The following SYN2 variants were observed in gnomAD, a reference collection of about 807,000 sequenced individuals.
SYN2 encodes the protein synapsin-2.
SYN2 carries 19 observed loss-of-function variants against 50.9 expected under a neutral mutation model. That is an observed-to-expected ratio of 0.37 (90% CI 0.26 to 0.55). The LOEUF is 0.55. SYN2 is among the 20% of genes least tolerant of loss of function. The probability of loss-of-function intolerance (pLI) is 0.81; values close to 1 mark genes in which losing one functional copy is unlikely to be tolerated. For synonymous variants in SYN2, 255 were observed against 224.9 expected (o/e 1.13, Z -1.20); for missense variants, 587 against 576.4 (o/e 1.02, Z -0.19).
At chr3:12,006,711 G>A (rs902118446) in intron 1 of SYN2, among the ~76,000 whole-genome samples, 2 of 152,232 alleles carry the variant, frequency 1.3e-5, no homozygotes, top group African/African-American at 4.8e-5. Context: ...CCTCTAGGCA[G>A]TGTGGGGGCC....
chr3:12,138,285 A>T (rs979337945), intron 1 of SYN2, among the ~76,000 whole-genome samples: 1 of 152,224 alleles, frequency 6.6e-6, no homozygotes, highest in Admixed American at 6.5e-5. Flanking sequence ...AACACACACT[A>T]AGATTTCCAA....
intron 1 of SYN2, among the ~76,000 whole-genome samples, chr3:12,033,252 C>G (rs928806674): frequency 2.6e-5 from 4 of 152,164 alleles, no homozygotes; most frequent in African/African-American, 9.7e-5. Context: ...AGATCTCCAG[C>G]TGCGTGCTGG....
chr3:12,079,518 T>A (rs1452237543), intron 1 of SYN2, among the ~76,000 whole-genome samples: 1 of 152,208 alleles, frequency 6.6e-6, no homozygotes, highest in Non-Finnish European at 1.5e-5. Flanking sequence ...TGAAGGTATG[T>A]TGAATGTTAT....
intron 1 of SYN2, among the ~76,000 whole-genome samples, chr3:12,083,674 G>A (rs1695628158): frequency 6.6e-6 from 1 of 152,164 alleles, no homozygotes; most frequent in Non-Finnish European, 1.5e-5. Context: ...AAGAGCCTAT[G>A]TGTGGGCTGC....
chr3:12,049,989 T>C (rs1428223273), intron 1 of SYN2, among the ~76,000 whole-genome samples: 1 of 152,194 alleles, frequency 6.6e-6, no homozygotes, highest in Non-Finnish European at 1.5e-5. Flanking sequence ...AACCTCCACC[T>C]CCAGGATTCA....
intron 1 of SYN2, among the ~76,000 whole-genome samples, chr3:12,027,040 G>A (rs908017562): frequency 2.6e-5 from 4 of 152,146 alleles, no homozygotes; most frequent in Non-Finnish European, 1.5e-5. Context: ...GGAGAGTGGG[G>A]GGAGGCTCTG....
Position 12,068,098 on chromosome 3 carries a change from C to A in SYN2, c.377+63170C>A, listed in dbSNP as rs574861723. 5.3e-5 allele frequency among the ~76,000 whole-genome samples: 8 copies of A among 152,254 alleles called. No individual in the cohort carries two copies. In the South Asian group the frequency reaches 1.7e-3, roughly 32 times the overall value. Reference sequence around the variant, plus strand: ...ATGAATGAATAAATAAAAATTTGAACTCAAATGTAATAAGTGTATTTGATA... The same window carrying A: ...ATGAATGAATAAATAAAAATTTGAAATCAAATGTAATAAGTGTATTTGATA... On this transcript the variant is annotated intron_variant, in intron 1 of 12. Transcript: ENST00000621198.
chr3:12,147,315 G>A (rs1697174754), intron 4 of SYN2, among the ~76,000 whole-genome samples: 1 of 152,208 alleles, frequency 6.6e-6, no homozygotes, highest in African/African-American at 2.4e-5. Context: ...AAGCCAGGGA[G>A]AGCTTGGAGT....
chr3:12,044,730 T>C (rs1694698811), intron 1 of SYN2, among the ~76,000 whole-genome samples: 1 of 152,176 alleles, frequency 6.6e-6, no homozygotes, highest in Non-Finnish European at 1.5e-5. Flanking sequence ...AGTACATTCT[T>C]GCTATTGGGG....
intron 5 of SYN2, chr3:12,158,709 C>CGAGTGGCA (rs1697538716): frequency 6.2e-7 from 1 of 1,610,230 alleles, no homozygotes; most frequent in Admixed American, 1.7e-5. Context: ...CACCAAGTGC[C>CGAGTGGCA]GAGTGGCAGA....
chr3:12,090,627 G>A (rs1447583872), intron 1 of SYN2, among the ~76,000 whole-genome samples: 1 of 152,148 alleles, frequency 6.6e-6, no homozygotes, highest in Non-Finnish European at 1.5e-5. Flanking sequence ...TAAGAGAATG[G>A]AGCTAGAAGC....
chr3:12,177,776 T>C (rs911724934), intron 10 of SYN2, among the ~76,000 whole-genome samples: 11 of 152,332 alleles, frequency 7.2e-5, no homozygotes, highest in Middle Eastern at 3.4e-3. Context: ...TTCAGGGACA[T>C]CTTTAATCAT....
chr3:12,158,769 C>T lies in SYN2; in HGVS notation c.775-2777C>T, dbSNP rs569044544. Reference sequence around the variant, plus strand: ...CGCAGCTGCATGCCTCACCCAGCCCCGGGGGCCGCAGCAACGCCAGCAGCC... The same window carrying T: ...CGCAGCTGCATGCCTCACCCAGCCCTGGGGGCCGCAGCAACGCCAGCAGCC... On this transcript the variant is annotated intron_variant, in intron 5 of 12. Coordinates refer to ENST00000621198, the MANE Select transcript of SYN2 (RefSeq NM_133625.6). 1.8e-4 allele frequency: 284 copies of T among 1,605,856 alleles called. 4 individuals are homozygous for T. The South Asian group carries it at 2.1e-3, about 12-fold the overall frequency.
At chr3:12,159,507 G>C (rs1467209931) in intron 5 of SYN2, among the ~76,000 whole-genome samples, 2 of 152,104 alleles carry the variant, frequency 1.3e-5, no homozygotes, top group Non-Finnish European at 2.9e-5. Flanking sequence ...TTGCCTGGGG[G>C]GTGGGGAGAG....
At chr3:12,010,365 T>TTTC (rs10638659) in intron 1 of SYN2, among the ~76,000 whole-genome samples, 29,340 of 152,012 alleles carry the variant, frequency 0.19, 5,379 homozygotes, top group African/African-American at 0.49. Context: ...TGTGCATACC[T>TTTC]CCTCAAATTT....
chr3:12,158,766 C>G (rs781659560), intron 5 of SYN2: 1 of 1,606,150 alleles, frequency 6.2e-7, no homozygotes, highest in Non-Finnish European at 8.5e-7. Flanking sequence ...CCTCACCCAG[C>G]CCCGGGGGCC....
chr3:12,012,491 C>T (rs149060271), intron 1 of SYN2, among the ~76,000 whole-genome samples: 5 of 152,310 alleles, frequency 3.3e-5, no homozygotes, highest in African/African-American at 9.6e-5. Flanking sequence ...TTCCCTAACA[C>T]GTAGTTGCTC....
rs111580686 is a variant in SYN2 at position 12,173,311 on chromosome 3, C to T, written c.1308+3405C>T. Among the ~76,000 whole-genome samples the T allele has an allele frequency of 1.6e-4, 25 of 152,262 alleles. 2 individuals carry two copies. The highest frequency in any genetic ancestry group is 6.0e-4 in the African/African-American group (25 of 41,546). The stretch of plus-strand genomic sequence containing the variant: ...GGTTAAATTTGAGCAGACATTTCAG[C>T]CATCATGAGACCAGGACTATGGAGC... On this transcript the variant is annotated intron_variant, in intron 10 of 12. Transcript: ENST00000621198.
intron 10 of SYN2, among the ~76,000 whole-genome samples, chr3:12,179,907 T>C (rs1698184906): frequency 6.6e-6 from 1 of 152,226 alleles, no homozygotes; most frequent in Non-Finnish European, 1.5e-5. Flanking sequence ...CCTTTGAGCC[T>C]GTCGTCACTC....
Sources: gnomAD v4.1 joint callset for allele counts (sites outside exome capture counted in the v4.1 genomes callset) on GRCh38, gnomAD v4.1.1 for gene constraint, MANE v1.5 for transcripts, NCBI Gene and HGNC (gene_info 2026-07-23, HGNC 2026-07-21) for gene names.